Variants in SLC24A2 observed in about 807,000 individuals in gnomAD.
SLC24A2 encodes sodium/potassium/calcium exchanger 2.
A neutral mutation model predicts 62.0 loss-of-function variants in SLC24A2; 36 were observed. The ratio of observed to expected loss-of-function variants is 0.58; its 90% confidence interval spans 0.44 to 0.77. SLC24A2 has a LOEUF of 0.77. Ranked by LOEUF, SLC24A2 falls within the 30% of genes least tolerant of loss-of-function variation. The probability of loss-of-function intolerance (pLI) is 0.00; values close to 1 mark genes in which losing one functional copy is unlikely to be tolerated. For synonymous variants in SLC24A2, 358 were observed against 294.0 expected, an observed-to-expected ratio of 1.22 and a Z score of -2.23; for missense variants, 846 against 817.9, an observed-to-expected ratio of 1.03 and a Z score of -0.42.
chr9:19,829,492 A>G, the SLC24A2 span, among the ~76,000 whole-genome samples: 1 of 152,082 alleles, frequency 6.6e-6, no homozygotes, highest in African/African-American at 2.4e-5. Flanking sequence ...AGAAAATGGA[A>G]CCTAAAAAGC....
At position 19,597,151 on chromosome 9, in the gene SLC24A2, AAAG is replaced by A. The variant is rs1472714652; in HGVS notation, c.1129+75_1129+77del. The A allele has an allele frequency of 3.0e-5, 29 of 958,960 alleles. 1 individual carries two copies. The highest frequency in any genetic ancestry group is 4.2e-4 in the Middle Eastern group (2 of 4,776). The allele number at this position is 958,960 out of a possible 1,614,324, so 59.4% of individuals were successfully genotyped here. A position where few individuals can be genotyped will look rare whatever the true frequency, so the allele number is the denominator to read the frequency against. On this transcript the variant is annotated intron_variant, in intron 5 of 10. Coordinates refer to ENST00000341998, the MANE Select transcript of SLC24A2 (RefSeq NM_020344.4). ...ACTGAAGTCATGCAGAGAGGAAAAA[AAAG>A]AATAAAAAATGGGCAAGCAACAGAC...
At chr9:20,024,882 C>T in the SLC24A2 span, among the ~76,000 whole-genome samples, 1 of 152,112 alleles carries the variant, frequency 6.6e-6, no homozygotes, top group Non-Finnish European at 1.5e-5. Context: ...CATCTGTTGA[C>T]TTACTGAGAA....
chr9:19,718,230 C>G (rs980477210), intron 2 of SLC24A2, among the ~76,000 whole-genome samples: 2 of 150,328 alleles, frequency 1.3e-5, no homozygotes, highest in East Asian at 3.9e-4. Flanking sequence ...CTGCCTTGGC[C>G]TCCCAAAGTG....
At chr9:19,953,264 T>G in the SLC24A2 span, among the ~76,000 whole-genome samples, 4 of 151,952 alleles carry the variant, frequency 2.6e-5, no homozygotes, top group Non-Finnish European at 5.9e-5. Flanking sequence ...TTCCTTCTCC[T>G]GCACAGCTCT....
chr9:20,183,294 G>A, the SLC24A2 span, among the ~76,000 whole-genome samples: 2 of 152,144 alleles, frequency 1.3e-5, no homozygotes, highest in Admixed American at 6.5e-5. Context: ...ATATAAGTAA[G>A]TGCCCTATTT....
At chr9:20,236,869 G>A in the SLC24A2 span, among the ~76,000 whole-genome samples, 1 of 152,070 alleles carries the variant, frequency 6.6e-6, no homozygotes, top group African/African-American at 2.4e-5. Flanking sequence ...TGAAAGGTAT[G>A]TGCCTGTCAT....
At chr9:19,564,488 T>C (rs1331131727) in intron 7 of SLC24A2, among the ~76,000 whole-genome samples, 1 of 152,128 alleles carries the variant, frequency 6.6e-6, no homozygotes, top group Non-Finnish European at 1.5e-5. Flanking sequence ...CACTTGCATA[T>C]TACACATTCT....
the SLC24A2 span, among the ~76,000 whole-genome samples, chr9:19,824,699 T>C: frequency 2.6e-5 from 4 of 152,304 alleles, no homozygotes; most frequent in South Asian, 8.3e-4. Flanking sequence ...TAAATCATTC[T>C]GTTATAAAGA....
At chr9:20,007,772 A>G in the SLC24A2 span, among the ~76,000 whole-genome samples, 1 of 149,936 alleles carries the variant, frequency 6.7e-6, no homozygotes, top group South Asian at 2.1e-4. Flanking sequence ...TCCCAAAACT[A>G]TTATAAATCT....
At chr9:19,988,303 C>G in the SLC24A2 span, among the ~76,000 whole-genome samples, 1 of 152,152 alleles carries the variant, frequency 6.6e-6, no homozygotes, top group African/African-American at 2.4e-5. Context: ...GATGGTCAGT[C>G]TGGGAACAGA....
chr9:20,057,297 T>C, the SLC24A2 span, among the ~76,000 whole-genome samples: 2 of 152,228 alleles, frequency 1.3e-5, no homozygotes, highest in African/African-American at 4.8e-5. Context: ...TAGTAACCCA[T>C]TCCCTAATCT....
At chr9:20,089,397 A>T in the SLC24A2 span, among the ~76,000 whole-genome samples, 1 of 152,054 alleles carries the variant, frequency 6.6e-6, no homozygotes, top group African/African-American at 2.4e-5. Context: ...GAAATCTTAG[A>T]GTCAAACCAC....
the SLC24A2 span, among the ~76,000 whole-genome samples, chr9:19,943,938 G>C: frequency 2.0e-5 from 3 of 152,240 alleles, no homozygotes; most frequent in Admixed American, 6.5e-5. Flanking sequence ...AGCATAATTT[G>C]AACACCACAT....
intron 9 of SLC24A2, among the ~76,000 whole-genome samples, chr9:19,525,332 C>A (rs1238402539): frequency 6.9e-6 from 1 of 145,716 alleles, no homozygotes; most frequent in Non-Finnish European, 1.5e-5. Flanking sequence ...TAGAGTAAAA[C>A]TCATTCACCT....
chr9:19,984,360 G>C, the SLC24A2 span, among the ~76,000 whole-genome samples: 1 of 152,080 alleles, frequency 6.6e-6, no homozygotes, highest in South Asian at 2.1e-4. Context: ...AAACAGCACG[G>C]TACTGGCATA....
the SLC24A2 span, among the ~76,000 whole-genome samples, chr9:20,210,800 G>A: frequency 6.7e-6 from 1 of 150,170 alleles, no homozygotes; most frequent in African/African-American, 2.4e-5. Context: ...CACCGCGCCC[G>A]GCCACAGAAG....
chr9:19,886,127 C>T, the SLC24A2 span, among the ~76,000 whole-genome samples: 1 of 152,096 alleles, frequency 6.6e-6, no homozygotes, highest in Admixed American at 6.5e-5. Flanking sequence ...AATACGATTG[C>T]TGGGTCGAAT....
At chr9:19,787,055 T>C in intron 1 of SLC24A2, 36 bp from the exon 2 acceptor site, 3 of 1,342,984 alleles carry the variant, frequency 2.2e-6, no homozygotes, top group Non-Finnish European at 2.9e-6. Flanking sequence ...AAGTAAATCA[T>C]AAAATCACGT....
chr9:20,237,307 C>T, the SLC24A2 span, among the ~76,000 whole-genome samples: 1 of 152,168 alleles, frequency 6.6e-6, no homozygotes, highest in East Asian at 1.9e-4. Context: ...AGACACTGTG[C>T]TAGGTAAAGG....
Sources: allele counts gnomAD v4.1 joint callset (sites outside exome capture counted in the v4.1 genomes callset), GRCh38; gene constraint gnomAD v4.1.1; transcripts MANE v1.5; gene names NCBI Gene and HGNC (gene_info 2026-07-23, HGNC 2026-07-21).